Variants in RNF150 observed in about 807,000 individuals in gnomAD.
RNF150 encodes ring finger protein 150.
RNF150 carries 24 observed loss-of-function variants against 39.3 expected under a neutral mutation model. That is an observed-to-expected ratio of 0.61 (90% CI 0.44 to 0.86). RNF150 has a LOEUF of 0.86. Among genes scored for constraint, RNF150 ranks in the 40% least tolerant of loss-of-function variants. RNF150 has a pLI of 0.00. For missense variants in RNF150, 502 were observed against 587.8 expected, an observed-to-expected ratio of 0.85 and a Z score of 1.51; for synonymous variants, 255 against 227.3, an observed-to-expected ratio of 1.12 and a Z score of -1.10.
In RNF150 at chr4:141,050,883, C is replaced by T. The variant is rs144452756; in HGVS notation, c.484+81442G>A. On this transcript the variant is annotated intron_variant, in intron 1 of 6. Coordinates refer to ENST00000515673, the MANE Select transcript of RNF150 (RefSeq NM_020724.2). ...CTCACAGCTCCACTAGGTAGTGCCCCAGTAGGGACTCTGTGTGGGGGCTCC... is the reference window on the plus strand; with the variant it reads ...CTCACAGCTCCACTAGGTAGTGCCCTAGTAGGGACTCTGTGTGGGGGCTCC... Among the ~76,000 whole-genome samples the T allele has an allele frequency of 8.8e-3, 1,338 of 152,318 alleles. 12 individuals are homozygous for T. The highest frequency in any genetic ancestry group is 0.014 in the Non-Finnish European group (972 of 68,034).
chr4:141,168,182 G>A (rs1322264136), intron 1 of RNF150, among the ~76,000 whole-genome samples: 1 of 151,962 alleles, frequency 6.6e-6, no homozygotes, highest in Non-Finnish European at 1.5e-5. Context: ...TGGCCAGCAA[G>A]CATATGAAAA....
At chr4:140,893,412 CT>C (rs1729828338) in intron 6 of RNF150, among the ~76,000 whole-genome samples, 1 of 152,150 alleles carries the variant, frequency 6.6e-6, no homozygotes. Flanking sequence ...GACTTATGCT[CT>C]TTTGATATCA....
At chr4:141,020,163 T>C (rs957486033) in intron 1 of RNF150, among the ~76,000 whole-genome samples, 1 of 152,156 alleles carries the variant, frequency 6.6e-6, no homozygotes, top group African/African-American at 2.4e-5. Context: ...ATACATTTTG[T>C]AAGTTTCTCT....
intron 1 of RNF150, among the ~76,000 whole-genome samples, chr4:141,171,408 G>A (rs1038654091): frequency 2.0e-5 from 3 of 151,942 alleles, no homozygotes; most frequent in African/African-American, 4.8e-5. Flanking sequence ...TTTTCTCTGC[G>A]TGTGTGTGTG....
At chr4:140,926,151 C>A in intron 4 of RNF150, 78 bp from the exon 5 acceptor site, 2 of 1,012,254 alleles carry the variant, frequency 2.0e-6, no homozygotes, top group Non-Finnish European at 3.1e-6. Flanking sequence ...GGGACTCGTC[C>A]AAGGTCACAA....
chr4:141,077,805 C>T (rs1737950937), intron 1 of RNF150, among the ~76,000 whole-genome samples: 1 of 152,260 alleles, frequency 6.6e-6, no homozygotes, highest in Admixed American at 6.5e-5. Flanking sequence ...TGTGCCCATG[C>T]TGAAGGCAGA....
chr4:141,189,778 T>C (rs1326026479), intron 1 of RNF150, among the ~76,000 whole-genome samples: 1 of 152,146 alleles, frequency 6.6e-6, no homozygotes, highest in Non-Finnish European at 1.5e-5. Context: ...CAGGTTGACT[T>C]CAGACTGCTG....
chr4:140,940,214 T>A (rs891524865), intron 4 of RNF150, among the ~76,000 whole-genome samples: 2 of 152,202 alleles, frequency 1.3e-5, no homozygotes, highest in Non-Finnish European at 2.9e-5. Flanking sequence ...ACCACAGTTA[T>A]CTTTGCTTGG....
chr4:141,022,975 G>A (rs1735554451), intron 1 of RNF150, among the ~76,000 whole-genome samples: 1 of 152,116 alleles, frequency 6.6e-6, no homozygotes, highest in Non-Finnish European at 1.5e-5. Context: ...ACCTCCATAA[G>A]TGTAAGAATC....
chr4:140,899,944 T>TTCTCTCTCTCTTTC (rs762146386), intron 6 of RNF150, among the ~76,000 whole-genome samples: 2 of 110,022 alleles, frequency 1.8e-5, no homozygotes, highest in African/African-American at 7.2e-5. Flanking sequence ...CTCTCTCACT[T>TTCTCTCTCTCTTTC]TCTCTCTCTC....
intron 1 of RNF150, among the ~76,000 whole-genome samples, chr4:141,014,200 TTATG>T (rs2110759561): frequency 6.6e-6 from 1 of 152,340 alleles, no homozygotes; most frequent in African/African-American, 2.4e-5. Flanking sequence ...AAGTATGCCA[TTATG>T]TACATATATG....
At chr4:141,057,145 A>G (rs988867321) in intron 1 of RNF150, among the ~76,000 whole-genome samples, 17 of 151,902 alleles carry the variant, frequency 1.1e-4, no homozygotes, top group African/African-American at 3.6e-4. Flanking sequence ...ACTGACCCCA[A>G]TTTTAGCTTC....
chr4:140,955,454 A>G (rs930531136), intron 2 of RNF150, among the ~76,000 whole-genome samples: 3 of 152,150 alleles, frequency 2.0e-5, no homozygotes, highest in Non-Finnish European at 4.4e-5. Flanking sequence ...CAAGTCACTT[A>G]AACACTGTGG....
chr4:141,123,225 C>T (rs113323249), intron 1 of RNF150, among the ~76,000 whole-genome samples: 38 of 152,310 alleles, frequency 2.5e-4, no homozygotes, highest in African/African-American at 8.4e-4. Flanking sequence ...GCACTTTCTG[C>T]GTGCCAGGGA....
intron 6 of RNF150, among the ~76,000 whole-genome samples, chr4:140,904,152 A>C (rs1185373083): frequency 6.6e-6 from 1 of 152,128 alleles, no homozygotes; most frequent in Admixed American, 6.5e-5. Context: ...TGCCATGGAG[A>C]TGGTGAGCTA....
intron 1 of RNF150, among the ~76,000 whole-genome samples, chr4:141,203,008 T>C (rs1005818977): frequency 4.0e-5 from 6 of 150,418 alleles, no homozygotes; most frequent in African/African-American, 1.2e-4. Context: ...TGTTTTATGA[T>C]ATATATTTTG....
intron 6 of RNF150, among the ~76,000 whole-genome samples, chr4:140,895,012 T>G (rs535355831): frequency 6.6e-6 from 1 of 152,288 alleles, no homozygotes; most frequent in South Asian, 2.1e-4. Context: ...CCCAGGAATC[T>G]GCAAGCCTGG....
chr4:141,051,859 T>A (rs1251692904), intron 1 of RNF150, among the ~76,000 whole-genome samples: 6 of 152,188 alleles, frequency 3.9e-5, no homozygotes. Context: ...AGTAATGCCT[T>A]AGTCCCAGTC....
rs1728452402 is a variant in RNF150, at chr4:140,860,704, T to A, written c.*7557A>T. On this transcript the variant is annotated 3_prime_UTR_variant, in exon 7 of 7. Coordinates refer to ENST00000515673, the MANE Select transcript of RNF150 (RefSeq NM_020724.2). ...TAGGGAGGAAGATTGATTTATGATG[T>A]CATGTCTGATTATTTATAATTGTAA... 6.6e-6 allele frequency: 1 copy of A among 152,246 alleles called. No individual in the cohort carries two copies. Among genetic ancestry groups the A allele is most frequent in the Non-Finnish European group, 1.5e-5 (1 of 68,042 alleles). The allele number at this position is 152,246 out of a possible 1,614,324, so 9.4% of individuals were successfully genotyped here.
Sources: gnomAD v4.1 joint callset for allele counts (sites outside exome capture counted in the v4.1 genomes callset) on GRCh38, gnomAD v4.1.1 for gene constraint, MANE v1.5 for transcripts, NCBI Gene and HGNC (gene_info 2026-07-23, HGNC 2026-07-21) for gene names.